MON2: variants seen among roughly 807,000 people sequenced by gnomAD.
The protein encoded by MON2 is MON2 regulator of endosome-to-Golgi trafficking.
Under a neutral mutation model 208.6 loss-of-function variants are expected in MON2, and 84 were observed. The ratio of observed to expected loss-of-function variants is 0.40; its 90% CI spans 0.34 to 0.48. The LOEUF is 0.48. Ranked by LOEUF, MON2 falls within the 20% of genes least tolerant of loss-of-function variation. The probability of loss-of-function intolerance (pLI) is 0.59; values close to 1 mark genes in which losing one functional copy is unlikely to be tolerated. For missense variants in MON2, 1,611 were observed against 2,015.4 expected, an observed-to-expected ratio of 0.80 and a Z score of 3.84; for synonymous variants, 660 against 694.0, an observed-to-expected ratio of 0.95 and a Z score of 0.77.
intron 17 of MON2, 37 bp downstream of exon 17, chr12:62,538,213 CA>C: frequency 6.2e-7 from 1 of 1,609,472 alleles, no homozygotes; most frequent in East Asian, 2.2e-5. Context: ...TAGTGCATCC[CA>C]AAGTGTCATA....
In MON2 at chr12:62,543,158, T is replaced by G. The variant is rs909962189; in HGVS notation, c.2426T>G (p.Ile809Arg). ...LETGLVNMHR[I>R]EILWRPLTGH... Reference sequence around the variant, plus strand: ...ACTGGTTTAGTTAATATGCACCGAATAGAAATTCTGTGGAGACCTCTGACT... The same window carrying G: ...ACTGGTTTAGTTAATATGCACCGAAGAGAAATTCTGTGGAGACCTCTGACT... Residue 809 changes from isoleucine (I) to arginine (R), a missense_variant, in exon 20 of 35, where the codon ATA becomes AGA. Physicochemically the swap from Ile to Arg is moderately conservative, Grantham distance 97 (BLOSUM62 -3). Transcript: ENST00000393630. 6.4e-7 allele frequency: 1 copy of G among 1,572,600 alleles called. No homozygotes were observed. Among genetic ancestry groups the G allele is most frequent in the Non-Finnish European group, 8.6e-7 (1 of 1,164,668 alleles).
rs1337960916 is a variant in MON2 at position 62,560,709 on chromosome 12, G to C, written c.3628G>C (p.Val1210Leu). ...GPISGMSRPF[V>L]RTDSIGEKLG... ...CATATCAGGCATGAGCAGGCCATTTGTAAGAACAGATTCCATTGGAGAAAA... is the reference window on the plus strand; with the variant it reads ...CATATCAGGCATGAGCAGGCCATTTCTAAGAACAGATTCCATTGGAGAAAA... Residue 1210 changes from valine (V) to leucine (L), a missense_variant, in exon 26 of 35, where the codon GTA becomes CTA. By Grantham distance (32) the Val-to-Leu change is conservative (BLOSUM62 1). Coordinates refer to ENST00000393630, the MANE Select transcript of MON2 (RefSeq NM_015026.3). The C allele has an allele frequency of 3.1e-6, 5 of 1,613,978 alleles. No individual in the cohort carries two copies. The African/African-American group carries it at 5.3e-5, about 17-fold the overall frequency.
At chr12:62,516,512 C>T (rs1419475893) in intron 8 of MON2, among the ~76,000 whole-genome samples, 5 of 152,146 alleles carry the variant, frequency 3.3e-5, no homozygotes, top group Non-Finnish European at 4.4e-5. Flanking sequence ...CAAGACCAGC[C>T]TGACCAACAT....
Position 62,566,130 on chromosome 12 carries a change from G to T in MON2, c.4194+99G>T, listed in dbSNP as rs2074377936. ...AATGCTGTATGTGCTTTTTCCAATA[G>T]TTTTAATTTTTGCCTGGCTGAAAAT... On this transcript the variant is annotated intron_variant, in intron 28 of 34. Coordinates refer to ENST00000393630, the MANE Select transcript of MON2 (RefSeq NM_015026.3). 51 of 1,406,362 alleles carry T rather than the reference G, an allele frequency of 3.6e-5. No individual in the cohort carries two copies. The South Asian group carries it at 6.2e-4, about 17-fold the overall frequency. 87.1% of individuals were successfully genotyped at this position (1,406,362 alleles called of 1,614,324 possible).
At chr12:62,486,850 A>G (rs1013308552) in intron 2 of MON2, among the ~76,000 whole-genome samples, 4 of 152,178 alleles carry the variant, frequency 2.6e-5, no homozygotes, top group African/African-American at 9.6e-5. Flanking sequence ...TTGAAATCTC[A>G]TATGTCTCTG....
intron 5 of MON2, among the ~76,000 whole-genome samples, chr12:62,500,521 C>G (rs923468629): frequency 2.0e-5 from 3 of 151,888 alleles, no homozygotes; most frequent in African/African-American, 7.3e-5. Context: ...GACTGGGAAA[C>G]CAAATGTATG....
intron 1 of MON2, among the ~76,000 whole-genome samples, chr12:62,471,431 G>A (rs1277969620): frequency 2.6e-5 from 4 of 152,096 alleles, no homozygotes; most frequent in East Asian, 1.9e-4. Flanking sequence ...TGATCTGCCC[G>A]CCTCGGCCTC....
Position 62,535,735 on chromosome 12 carries a change from C to G in MON2, c.1900+26C>G, listed in dbSNP as rs201438898. The G allele has an allele frequency of 3.6e-5, 57 of 1,572,828 alleles. No homozygotes were observed. The East Asian group carries it at 1.1e-3, about 30-fold the overall frequency. On this transcript the variant is annotated intron_variant, in intron 14 of 34. Transcript: ENST00000393630. ...GTAAGACAGGCTTACTCAAAATTCTCTCTATGTAGTGGGATGATATGGTGT... is the reference window on the plus strand; with the variant it reads ...GTAAGACAGGCTTACTCAAAATTCTGTCTATGTAGTGGGATGATATGGTGT...
intron 9 of MON2, 21 bp downstream of exon 9, chr12:62,524,660 T>G: frequency 6.2e-7 from 1 of 1,607,682 alleles, no homozygotes; most frequent in Non-Finnish European, 8.5e-7. Flanking sequence ...AGCAATAGTT[T>G]GTTAAATAGA....
At chr12:62,489,120 A>C (rs955638087) in intron 2 of MON2, among the ~76,000 whole-genome samples, 2 of 152,266 alleles carry the variant, frequency 1.3e-5, no homozygotes, top group Admixed American at 1.3e-4. Context: ...TTTCTTAATA[A>C]ATTTCTATAA....
intron 32 of MON2, among the ~76,000 whole-genome samples, chr12:62,584,322 C>T (rs992504553): frequency 3.3e-5 from 5 of 151,996 alleles, no homozygotes; most frequent in African/African-American, 7.3e-5. Context: ...GAGGTACATG[C>T]GCTCAAAAGT....
intron 21 of MON2, chr12:62,545,814 T>G (rs1440140811): frequency 6.6e-6 from 1 of 152,228 alleles, no homozygotes. Flanking sequence ...ACAGAAAAGA[T>G]ATTATAAAGC....
At chr12:62,500,561 T>G (rs1200621279) in intron 5 of MON2, among the ~76,000 whole-genome samples, 8 of 152,134 alleles carry the variant, frequency 5.3e-5, no homozygotes, top group Non-Finnish European at 8.8e-5. Context: ...TTAGAGTGAA[T>G]GTAAGGTAGC....
chr12:62,549,651 A>G lies in MON2; in HGVS notation c.2754-17A>G. ...AAATAAAATAAGTGCATCTGTATACATTTCTTTTGTTTTCAGAGAATCCTT... is the reference window on the plus strand; with the variant it reads ...AAATAAAATAAGTGCATCTGTATACGTTTCTTTTGTTTTCAGAGAATCCTT... On this transcript the variant is annotated splice_polypyrimidine_tract_variant and intron_variant, in intron 22 of 34. Transcript: ENST00000393630. 6.3e-7 allele frequency: 1 copy of G among 1,577,878 alleles called. No individual in the cohort carries two copies. The highest frequency in any genetic ancestry group is 8.6e-7 in the Non-Finnish European group (1 of 1,167,016).
intron 7 of MON2, among the ~76,000 whole-genome samples, chr12:62,501,905 G>A (rs1477854817): frequency 2.0e-5 from 3 of 152,078 alleles, no homozygotes; most frequent in Non-Finnish European, 4.4e-5. Context: ...AGGCAACATA[G>A]TGAGACACCA....
intron 11 of MON2, among the ~76,000 whole-genome samples, chr12:62,529,081 C>A (rs2072485349): frequency 6.6e-6 from 1 of 152,274 alleles, no homozygotes; most frequent in South Asian, 2.1e-4. Flanking sequence ...CCATTTAGCC[C>A]CATTTATAAG....
At chr12:62,560,347 G>A in intron 25 of MON2, 144 bp from the exon 26 acceptor site, 1 of 757,918 alleles carries the variant, frequency 1.3e-6, no homozygotes, top group Non-Finnish European at 2.0e-6. Context: ...CCCATTGTTA[G>A]TACCTTAGTA....
chr12:62,592,779 A>G lies in MON2; in HGVS notation c.*30A>G. 6.6e-7 allele frequency: 1 copy of G among 1,525,656 alleles called. No homozygotes were observed. Among genetic ancestry groups the G allele is most frequent in the East Asian group, 2.3e-5 (1 of 43,784 alleles). 94.5% of individuals were successfully genotyped at this position (1,525,656 alleles called of 1,614,324 possible). A position where few individuals can be genotyped will look rare whatever the true frequency, so the allele number is the denominator to read the frequency against. On this transcript the variant is annotated 3_prime_UTR_variant, in exon 35 of 35. Coordinates refer to ENST00000393630, the MANE Select transcript of MON2 (RefSeq NM_015026.3). ...CTACAATATATTTGAAAGCAGGAAG[A>G]TAGTCTAAAAAATGTTTGCTCCTAA...
chr12:62,497,526 T>C (rs116369936), intron 4 of MON2, among the ~76,000 whole-genome samples: 5 of 152,362 alleles, frequency 3.3e-5, no homozygotes, highest in African/African-American at 1.2e-4. Flanking sequence ...CCAAGTGTTA[T>C]GGAGGCTGTA....
Sources: allele counts gnomAD v4.1 joint callset (sites outside exome capture counted in the v4.1 genomes callset), GRCh38; gene constraint gnomAD v4.1.1; transcripts MANE v1.5; gene names NCBI Gene and HGNC (gene_info 2026-07-23, HGNC 2026-07-21).